Variants in GRID2 observed in about 807,000 individuals in gnomAD.
GRID2 encodes the protein glutamate receptor ionotropic, delta-2.
Under a neutral mutation model 114.8 loss-of-function variants are expected in GRID2, and 33 were observed. That is an observed-to-expected ratio of 0.29 (90% CI 0.22 to 0.38). The LOEUF (loss-of-function observed/expected upper bound fraction) is 0.38. Ranked by LOEUF, GRID2 falls within the 10% of genes least tolerant of loss-of-function variation. The probability of loss-of-function intolerance (pLI) is 1.00; values close to 1 mark genes in which losing one functional copy is unlikely to be tolerated. For synonymous variants in GRID2, 505 were observed against 449.9 expected, an observed-to-expected ratio of 1.12 and a Z score of -1.55; for missense variants, 1,184 against 1,257.7, an observed-to-expected ratio of 0.94 and a Z score of 0.89.
At chr4:92,599,999 T>C (rs1040965043) in intron 2 of GRID2, among the ~76,000 whole-genome samples, 3 of 140,678 alleles carry the variant, frequency 2.1e-5, no homozygotes, top group African/African-American at 8.0e-5. Flanking sequence ...CACTCCAGCC[T>C]GGGCGACAGG....
At chr4:92,608,219 C>A (rs7683918) in intron 2 of GRID2, among the ~76,000 whole-genome samples, 7,665 of 151,780 alleles carry the variant, frequency 0.051, 256 homozygotes, top group East Asian at 0.12. Context: ...TTCAAGGACA[C>A]CTCTTTCCCA....
intron 1 of GRID2, among the ~76,000 whole-genome samples, chr4:92,408,811 C>A (rs754944957): frequency 2.6e-5 from 4 of 151,766 alleles, no homozygotes; most frequent in Non-Finnish European, 5.9e-5. Flanking sequence ...TGCTACTTTT[C>A]TTTTAACTGA....
At chr4:92,526,841 T>C (rs1206585188) in intron 1 of GRID2, among the ~76,000 whole-genome samples, 1 of 152,058 alleles carries the variant, frequency 6.6e-6, no homozygotes, top group African/African-American at 2.4e-5. Context: ...ATATATTCAG[T>C]ACTCTCCTTG....
intron 13 of GRID2, among the ~76,000 whole-genome samples, chr4:93,550,472 T>G (rs915466322): frequency 2.6e-5 from 4 of 152,198 alleles, no homozygotes; most frequent in Non-Finnish European, 5.9e-5. Flanking sequence ...CATGACCCTT[T>G]GATCAGCAAC....
chr4:92,312,549 G>A (rs1579161278), intron 1 of GRID2, among the ~76,000 whole-genome samples: 1 of 152,034 alleles, frequency 6.6e-6, no homozygotes, highest in African/African-American at 2.4e-5. Flanking sequence ...TGGAGTAAAT[G>A]TGTTACTGTT....
At chr4:92,625,358 T>C (rs993604705) in intron 2 of GRID2, among the ~76,000 whole-genome samples, 3 of 151,784 alleles carry the variant, frequency 2.0e-5, no homozygotes, top group Non-Finnish European at 4.4e-5. Context: ...AAATCACTAA[T>C]TTTACACTTG....
intron 11 of GRID2, among the ~76,000 whole-genome samples, chr4:93,459,048 T>C (rs928180811): frequency 2.0e-5 from 3 of 151,552 alleles, no homozygotes; most frequent in Admixed American, 2.0e-4. Flanking sequence ...GGCATGGTGG[T>C]GGGCGCCTGT....
chr4:93,396,745 C>A (rs1485493863), intron 9 of GRID2, among the ~76,000 whole-genome samples: 3 of 151,834 alleles, frequency 2.0e-5, no homozygotes, highest in African/African-American at 7.3e-5. Context: ...TTATAGTTTT[C>A]TTTCCTAATA....
intron 9 of GRID2, among the ~76,000 whole-genome samples, chr4:93,405,396 C>T (rs1200002625): frequency 6.6e-6 from 1 of 152,150 alleles, no homozygotes. Context: ...AGCTGTTGCA[C>T]AGACATGTGT....
At chr4:92,884,510 G>C (rs1333162392) in intron 2 of GRID2, among the ~76,000 whole-genome samples, 2 of 152,176 alleles carry the variant, frequency 1.3e-5, no homozygotes, top group Non-Finnish European at 2.9e-5. Context: ...TTGGCATTCA[G>C]CATGCCTTCC....
At chr4:92,663,467 T>G (rs1732616219) in intron 2 of GRID2, among the ~76,000 whole-genome samples, 1 of 151,220 alleles carries the variant, frequency 6.6e-6, no homozygotes, top group South Asian at 2.1e-4. Flanking sequence ...TCTGTAGGAA[T>G]ATGCATATAC....
intron 2 of GRID2, among the ~76,000 whole-genome samples, chr4:93,062,576 A>G (rs545895467): frequency 6.6e-6 from 1 of 152,136 alleles, no homozygotes; most frequent in Non-Finnish European, 1.5e-5. Context: ...ATTTTCTTTG[A>G]CTCTGATTCC....
At chr4:93,749,159 A>T (rs1301452468) in intron 14 of GRID2, among the ~76,000 whole-genome samples, 2 of 152,154 alleles carry the variant, frequency 1.3e-5, no homozygotes, top group Non-Finnish European at 2.9e-5. Flanking sequence ...AAGAAGAGAG[A>T]ATATGCAGAG....
chr4:93,116,206 T>C (rs907356869), intron 4 of GRID2, among the ~76,000 whole-genome samples: 3 of 152,160 alleles, frequency 2.0e-5, no homozygotes, highest in Non-Finnish European at 4.4e-5. Context: ...AAAGACAATA[T>C]ACTAGTTGTA....
intron 13 of GRID2, among the ~76,000 whole-genome samples, chr4:93,543,596 G>A (rs533191478): frequency 5.8e-4 from 89 of 152,238 alleles, no homozygotes; most frequent in African/African-American, 2.1e-3. Context: ...ATGTATTAAT[G>A]TCTCAGTAGA....
At chr4:92,666,650 G>GTTTTGTTTTTTTTTTT (rs1732793120) in intron 2 of GRID2, among the ~76,000 whole-genome samples, 1 of 68,594 alleles carries the variant, frequency 1.5e-5, no homozygotes, top group Non-Finnish European at 2.8e-5. Flanking sequence ...CTTAAGGGTT[G>GTTTTGTTTTTTTTTTT]TTTTTTTTTT....
chr4:92,490,347 C>T (rs1228333253), intron 1 of GRID2, among the ~76,000 whole-genome samples: 3 of 152,066 alleles, frequency 2.0e-5, no homozygotes, highest in Non-Finnish European at 4.4e-5. Context: ...ATTTGTAAAA[C>T]CTGGAATGCC....
intron 12 of GRID2, among the ~76,000 whole-genome samples, chr4:93,514,042 T>C (rs1729454777): frequency 6.6e-6 from 1 of 152,152 alleles, no homozygotes; most frequent in African/African-American, 2.4e-5. Context: ...TACAGTATAG[T>C]GTTTCAAAGC....
At chr4:92,583,361 G>T (rs1728269995) in intron 1 of GRID2, among the ~76,000 whole-genome samples, 1 of 151,962 alleles carries the variant, frequency 6.6e-6, no homozygotes, top group Admixed American at 6.6e-5. Flanking sequence ...TAATTGTCAT[G>T]AATTTGATGT....
Sources: allele counts gnomAD v4.1 joint callset (sites outside exome capture counted in the v4.1 genomes callset), GRCh38; gene constraint gnomAD v4.1.1; transcripts MANE v1.5; gene names NCBI Gene and HGNC (gene_info 2026-07-23, HGNC 2026-07-21).